Variants in GAS2 observed in about 807,000 individuals in gnomAD.
The protein encoded by GAS2 is growth arrest-specific protein 2.
GAS2 carries 20 observed loss-of-function variants against 37.5 expected under a neutral mutation model. The ratio of observed to expected loss-of-function variants is 0.53; its 90% CI spans 0.37 to 0.77. The LOEUF is 0.77. Ranked by LOEUF, GAS2 falls within the 30% of genes least tolerant of loss-of-function variation. The pLI is 0.00. For synonymous variants in GAS2, 144 were observed against 132.2 expected (o/e 1.09, Z -0.61); for missense variants, 336 against 373.4 (o/e 0.90, Z 0.82).
chr11:22,650,654 T>C (rs915509526), intron 1 of GAS2, among the ~76,000 whole-genome samples: 1 of 151,288 alleles, frequency 6.6e-6, no homozygotes, highest in African/African-American at 2.4e-5. Flanking sequence ...GTTGAATTGA[T>C]CCCTTTACCA....
intron 6 of GAS2, among the ~76,000 whole-genome samples, chr11:22,751,593 T>G (rs1034832983): frequency 6.6e-6 from 1 of 152,006 alleles, no homozygotes; most frequent in Non-Finnish European, 1.5e-5. Context: ...GGCCACATGC[T>G]CTGGAAATGC....
At chr11:22,676,726 T>A (rs1306002495) in intron 2 of GAS2, among the ~76,000 whole-genome samples, 1 of 152,122 alleles carries the variant, frequency 6.6e-6, no homozygotes, top group Non-Finnish European at 1.5e-5. Context: ...ATAAATTTAT[T>A]CTTTTTTTCA....
intron 3 of GAS2, among the ~76,000 whole-genome samples, chr11:22,707,311 G>T (rs568141695): frequency 8.5e-5 from 13 of 152,152 alleles, no homozygotes; most frequent in Non-Finnish European, 1.8e-4. Context: ...GAGCCTTGTT[G>T]GCTCCCTGTC....
chr11:22,645,244 T>A (rs1439867797), intron 1 of GAS2, among the ~76,000 whole-genome samples: 3 of 151,932 alleles, frequency 2.0e-5, no homozygotes, highest in African/African-American at 7.2e-5. Context: ...GTGGGGTGGC[T>A]CACTCCTGTA....
At chr11:22,770,312 G>A (rs1854912372) in intron 7 of GAS2, among the ~76,000 whole-genome samples, 1 of 152,080 alleles carries the variant, frequency 6.6e-6, no homozygotes, top group African/African-American at 2.4e-5. Context: ...CTTACATAAA[G>A]TTTAAATAAA....
intron 3 of GAS2, among the ~76,000 whole-genome samples, chr11:22,686,413 A>AT (rs1849952308): frequency 6.6e-6 from 1 of 151,846 alleles, no homozygotes; most frequent in Non-Finnish European, 1.5e-5. Context: ...AAAGAGATAT[A>AT]AAAAATATTA....
chr11:22,756,064 G>C (rs1854018722), intron 7 of GAS2, 111 bp downstream of exon 7: 1 of 690,432 alleles, frequency 1.4e-6, no homozygotes. Flanking sequence ...TACGTTTAAA[G>C]ATACATGGTA....
At chr11:22,785,786 A>G (rs1339163406) in intron 7 of GAS2, among the ~76,000 whole-genome samples, 2 of 152,142 alleles carry the variant, frequency 1.3e-5, no homozygotes, top group African/African-American at 2.4e-5. Context: ...CAGGATTATA[A>G]GTCTATAAGG....
intron 1 of GAS2, among the ~76,000 whole-genome samples, chr11:22,636,523 A>G (rs1225551618): frequency 1.3e-5 from 2 of 152,324 alleles, no homozygotes; most frequent in African/African-American, 4.8e-5. Context: ...GGATTTGATC[A>G]TTTTGAGCCA....
At chr11:22,737,684 C>T (rs747959153) in intron 4 of GAS2, 21 bp from the exon 5 acceptor site, 64 of 1,612,656 alleles carry the variant, frequency 4.0e-5, no homozygotes, top group African/African-American at 6.7e-5. Context: ...TAAAGGTGTT[C>T]GCCTCTGTCT....
intron 2 of GAS2, among the ~76,000 whole-genome samples, chr11:22,677,342 C>T (rs1398970567): frequency 2.0e-5 from 3 of 152,002 alleles, no homozygotes; most frequent in Non-Finnish European, 4.4e-5. Context: ...GAGCTTGGTA[C>T]ATTGCAAGAA....
At chr11:22,740,102 G>C (rs1370721114) in intron 5 of GAS2, among the ~76,000 whole-genome samples, 1 of 152,116 alleles carries the variant, frequency 6.6e-6, no homozygotes, top group East Asian at 1.9e-4. Flanking sequence ...CTTTCCTCCA[G>C]CTCCGAGTCT....
At chr11:22,672,337 G>A (rs1849238235) in intron 1 of GAS2, among the ~76,000 whole-genome samples, 1 of 152,136 alleles carries the variant, frequency 6.6e-6, no homozygotes, top group South Asian at 2.1e-4. Context: ...ACACAGGACA[G>A]AGTACATGAG....
At chr11:22,773,308 T>G (rs1855082224) in intron 7 of GAS2, among the ~76,000 whole-genome samples, 1 of 151,984 alleles carries the variant, frequency 6.6e-6, no homozygotes, top group Admixed American at 6.6e-5. Flanking sequence ...TTTCCCTGCC[T>G]AATTTCAAGC....
intron 4 of GAS2, among the ~76,000 whole-genome samples, chr11:22,733,946 G>A (rs1481732951): frequency 6.6e-6 from 1 of 151,676 alleles, no homozygotes; most frequent in Admixed American, 6.6e-5. Context: ...ATGTTACAAT[G>A]ATCAAGTGGG....
intron 1 of GAS2, among the ~76,000 whole-genome samples, chr11:22,648,543 T>C (rs1848732400): frequency 6.6e-6 from 1 of 152,198 alleles, no homozygotes; most frequent in African/African-American, 2.4e-5. Context: ...ATATTGATTC[T>C]TCCTACCCAT....
intron 7 of GAS2, among the ~76,000 whole-genome samples, chr11:22,802,496 C>T (rs966370354): frequency 4.0e-5 from 6 of 150,472 alleles, no homozygotes; most frequent in South Asian, 2.1e-4. Context: ...ATTTTGGTCA[C>T]GGTCTTTTTT....
chr11:22,665,932 A>G (rs1590588938), upstream of GAS2, among the ~76,000 whole-genome samples: 4 of 152,250 alleles, frequency 2.6e-5, no homozygotes, highest in African/African-American at 4.8e-5. Flanking sequence ...GGCAATATAC[A>G]TGAAACTGAT....
chr11:22,639,470 T>C (rs1007672886), intron 1 of GAS2, among the ~76,000 whole-genome samples: 1 of 152,194 alleles, frequency 6.6e-6, no homozygotes. Flanking sequence ...TATTCTGTTA[T>C]AGCAGCAGAA....
Sources: allele counts gnomAD v4.1 joint callset (sites outside exome capture counted in the v4.1 genomes callset), GRCh38; gene constraint gnomAD v4.1.1; transcripts MANE v1.5; gene names NCBI Gene and HGNC (gene_info 2026-07-23, HGNC 2026-07-21).